The following IRGM variants were observed in gnomAD, a reference collection of about 807,000 sequenced individuals.
IRGM encodes the protein immunity-related GTPase family M protein.
For synonymous variants in IRGM, 98 were observed against 80.6 expected (o/e 1.22, Z -1.16); for missense variants, 288 against 219.9 (o/e 1.31, Z -1.96).
intron 2 of IRGM, chr5:150,879,542 A>G (rs1360682645): frequency 1.3e-5 from 2 of 152,228 alleles, no homozygotes; most frequent in Admixed American, 6.5e-5. Flanking sequence ...CACTGGGGGT[A>G]TAACTTCCAC....
In IRGM at chr5:150,847,034, A is replaced by G. The variant is rs2113242773; in HGVS notation, c.-602A>G. 1 of 152,442 alleles carries G rather than the reference A, an allele frequency of 6.6e-6. No homozygotes were observed. The highest frequency in any genetic ancestry group is 2.4e-5 in the African/African-American group (1 of 41,540). 9.4% of individuals were successfully genotyped at this position (152,442 alleles called of 1,614,324 possible). A position where few individuals can be genotyped will look rare whatever the true frequency, so the allele number is the denominator to read the frequency against. On this transcript the variant is annotated 5_prime_UTR_variant, in exon 1 of 2. Coordinates refer to ENST00000522154, the MANE Select transcript of IRGM (RefSeq NM_001145805.2). ...GGTTTGGCGAATGCAATGATAAGCA[A>G]TTGTCTAATCACTGCCTTGAAAAAG... is the stretch of plus-strand genomic sequence containing the variant.
chr5:150,896,594 ACT>A, intron 3 of IRGM: 2 of 1,613,374 alleles, frequency 1.2e-6, no homozygotes, highest in Non-Finnish European at 1.7e-6. Flanking sequence ...CACCTCCAAA[ACT>A]CTGATCAGGT....
chr5:150,861,236 C>G (rs1754131615), intron 1 of IRGM, among the ~76,000 whole-genome samples: 1 of 152,186 alleles, frequency 6.6e-6, no homozygotes, highest in African/African-American at 2.4e-5. Flanking sequence ...ATGGGGCTGT[C>G]ATTTAGAGCC....
Position 150,895,872 on chromosome 5 carries a change from T to A in IRGM, c.*141-4717T>A, listed in dbSNP as rs376308554. On this transcript the variant is annotated intron_variant and NMD_transcript_variant, in intron 3 of 3. Coordinates refer to the IRGM transcript ENST00000520549. ...AGGTTTTTCCCCAGTATGAACTAAC[T>A]GATGTGTAATGAGTTCTGTCTTCCT... The A allele has an allele frequency of 3.2e-5, 51 of 1,613,686 alleles. No individual in the cohort carries two copies. The African/African-American group carries it at 6.0e-4, about 19-fold the overall frequency.
Position 150,897,268 on chromosome 5 carries a change from C to A in IRGM, c.*141-3321C>A, listed in dbSNP as rs550038581. On this transcript the variant is annotated intron_variant and NMD_transcript_variant, in intron 3 of 3. Coordinates refer to the IRGM transcript ENST00000520549. ...TTCACTTCTGCTTTCTGAATAGAAA[C>A]CCCTTTTCACCTTTTAATTTCATTT... is the stretch of plus-strand genomic sequence containing the variant. 16 of 279,910 alleles carry A rather than the reference C, an allele frequency of 5.7e-5. No individual in the cohort carries two copies. In the South Asian group the frequency reaches 1.7e-3, roughly 30 times the overall value. The allele number at this position is 279,910 out of a possible 1,614,324, so 17.3% of individuals were successfully genotyped here.
In IRGM at chr5:150,848,174, G is replaced by T. The variant is rs180802994; in HGVS notation, c.51G>T (p.Glu17Asp). The T allele has an allele frequency of 6.4e-7, 1 of 1,551,644 alleles. No homozygotes were observed. Among genetic ancestry groups the T allele is most frequent in the South Asian group, 1.2e-5 (1 of 84,050 alleles). ...EKASADGNLP[E>D]VISNIKETLK... is the part of the protein sequence containing the mutation. Reference sequence around the variant, plus strand: ...CCTCAGCAGATGGGAACTTGCCAGAGGTGATCTCTAACATCAAGGAGACTC... The same window carrying T: ...CCTCAGCAGATGGGAACTTGCCAGATGTGATCTCTAACATCAAGGAGACTC... Residue 17 changes from glutamate to aspartate, a missense_variant, in exon 2 of 2, where the codon GAG becomes GAT. Transcript: ENST00000522154.
downstream of IRGM, among the ~76,000 whole-genome samples, chr5:150,901,284 C>T (rs1754986575): frequency 6.6e-6 from 1 of 152,062 alleles, no homozygotes; most frequent in Non-Finnish European, 1.5e-5. Flanking sequence ...CTAGGAACCA[C>T]ATTCAAAAAA....
chr5:150,884,856 C>A (rs922093490), intron 3 of IRGM, among the ~76,000 whole-genome samples: 1 of 151,810 alleles, frequency 6.6e-6, no homozygotes, highest in East Asian at 1.9e-4. Context: ...TTTTCTCCAC[C>A]CTGTAGGTTA....
intron 3 of IRGM, among the ~76,000 whole-genome samples, chr5:150,900,180 AAT>A (rs1333715496): frequency 6.6e-6 from 1 of 152,168 alleles, no homozygotes; most frequent in Non-Finnish European, 1.5e-5. Flanking sequence ...ATTTATTCTC[AAT>A]AGTCTAGGTT....
intron 1 of IRGM, among the ~76,000 whole-genome samples, chr5:150,859,456 A>T (rs1440024844): frequency 1.3e-5 from 2 of 152,190 alleles, no homozygotes; most frequent in African/African-American, 4.8e-5. Flanking sequence ...TGAGTTAGGG[A>T]GGATTCCCTC....
At chr5:150,896,932 C>T (rs775762950) in intron 3 of IRGM, 6 of 1,612,970 alleles carry the variant, frequency 3.7e-6, no homozygotes, top group Non-Finnish European at 4.2e-6. Flanking sequence ...GAAACTGTCC[C>T]CAAAATACAT....
chr5:150,853,242 A>G (rs1754001323), downstream of IRGM, among the ~76,000 whole-genome samples: 1 of 152,096 alleles, frequency 6.6e-6, no homozygotes, highest in Admixed American at 6.5e-5. Context: ...TGAATTTTCC[A>G]GTTTTTCTTC....
At chr5:150,865,236 T>C (rs1754190283) in intron 1 of IRGM, among the ~76,000 whole-genome samples, 1 of 151,960 alleles carries the variant, frequency 6.6e-6, no homozygotes, top group South Asian at 2.1e-4. Flanking sequence ...AATGCATAAC[T>C]CACAAGCTAA....
intron 1 of IRGM, among the ~76,000 whole-genome samples, chr5:150,865,721 G>A (rs1487817910): frequency 2.6e-5 from 4 of 152,102 alleles, no homozygotes; most frequent in African/African-American, 9.7e-5. Flanking sequence ...CTAAACTAAG[G>A]GTGTATAAGA....
At chr5:150,902,337 TGG>T (rs1755020270), downstream of IRGM, among the ~76,000 whole-genome samples, 2 of 152,184 alleles carry the variant, frequency 1.3e-5, no homozygotes, top group Non-Finnish European at 2.9e-5. Flanking sequence ...AATTTAAGAA[TGG>T]CTTTTTTGAG....
At chr5:150,891,534 T>C (rs568523067) in intron 3 of IRGM, among the ~76,000 whole-genome samples, 1 of 152,296 alleles carries the variant, frequency 6.6e-6, no homozygotes, top group Non-Finnish European at 1.5e-5. Flanking sequence ...TCTCTTCTTT[T>C]TGGATTTAAG....
chr5:150,864,197 C>G (rs1022766688), intron 1 of IRGM, among the ~76,000 whole-genome samples: 1 of 152,204 alleles, frequency 6.6e-6, no homozygotes, highest in East Asian at 1.9e-4. Flanking sequence ...CTAGCCCTGC[C>G]AAACCAGTCC....
intron 2 of IRGM, among the ~76,000 whole-genome samples, chr5:150,879,095 A>C (rs1263945070): frequency 1.3e-5 from 2 of 152,210 alleles, no homozygotes; most frequent in Non-Finnish European, 2.9e-5. Context: ...AAATGTTCAT[A>C]TCAGTAAGAA....
intron 1 of IRGM, among the ~76,000 whole-genome samples, chr5:150,859,650 TC>T (rs1167576571): frequency 1.6e-4 from 24 of 152,190 alleles, no homozygotes; most frequent in Non-Finnish European, 1.5e-5. Context: ...CCTGGTTTAG[TC>T]TTGGGAGGAT....
Sources: gnomAD v4.1 joint callset for allele counts (sites outside exome capture counted in the v4.1 genomes callset) on GRCh38, gnomAD v4.1.1 for gene constraint, MANE v1.5 for transcripts, NCBI Gene and HGNC (gene_info 2026-07-23, HGNC 2026-07-21) for gene names.